The following FGFR2 variants were observed in gnomAD, a reference collection of about 807,000 sequenced individuals.
FGFR2 encodes the protein BEK fibroblast growth factor receptor.
Under a neutral mutation model 95.9 loss-of-function variants are expected in FGFR2, and 19 were observed. The observed-to-expected ratio is 0.20, with a 90% CI of 0.14 to 0.29. The LOEUF is 0.29. Among genes scored for constraint, FGFR2 ranks in the 10% least tolerant of loss-of-function variants. The pLI is 1.00. For synonymous variants in FGFR2, 392 were observed against 393.3 expected (o/e 1.00, Z 0.04); for missense variants, 707 against 1,056.9 (o/e 0.67, Z 4.59).
chr10:121,489,497 A>G (rs535511810), intron 13 of FGFR2, among the ~76,000 whole-genome samples: 1 of 152,272 alleles, frequency 6.6e-6, no homozygotes, highest in African/African-American at 2.4e-5. Context: ...TGTTCCATTA[A>G]GTTTATGTAT....
intron 2 of FGFR2, among the ~76,000 whole-genome samples, chr10:121,570,586 C>A (rs1270678600): frequency 6.6e-6 from 1 of 152,212 alleles, no homozygotes; most frequent in East Asian, 1.9e-4. Flanking sequence ...CTTTCCTGTG[C>A]GAATCCACCA....
intron 17 of FGFR2, among the ~76,000 whole-genome samples, chr10:121,481,425 AC>A (rs1844669612): frequency 6.7e-6 from 1 of 149,742 alleles, no homozygotes; most frequent in Non-Finnish European, 1.5e-5. Context: ...CACACACAAA[AC>A]CCTCTAATTC....
At chr10:121,568,475 A>G (rs1398063001) in intron 2 of FGFR2, among the ~76,000 whole-genome samples, 1 of 152,170 alleles carries the variant, frequency 6.6e-6, no homozygotes, top group Non-Finnish European at 1.5e-5. Context: ...TCACCAGGGC[A>G]GCCGCTGAGC....
At chr10:121,555,043 T>A (rs1006462858) in intron 4 of FGFR2, among the ~76,000 whole-genome samples, 12 of 152,322 alleles carry the variant, frequency 7.9e-5, no homozygotes, top group African/African-American at 2.2e-4. Flanking sequence ...CCATAGTAGA[T>A]GCTTAACAGG....
chr10:121,562,013 G>T (rs1476028078), intron 4 of FGFR2, among the ~76,000 whole-genome samples: 1 of 152,132 alleles, frequency 6.6e-6, no homozygotes, highest in Non-Finnish European at 1.5e-5. Context: ...TATCAGAATG[G>T]CCAAAATCCA....
Position 121,559,111 on chromosome 10 carries a change from GAA to G in FGFR2, c.454+5389_454+5390del, listed in dbSNP as rs904279035. ...TTTTCAATGTCTCAATCCAAAAGGA[GAA>G]AAAAAAAAAAAAAAAAAAAACTCAA... On this transcript the variant is annotated intron_variant, in intron 4 of 17. Transcript: ENST00000358487. 3.2e-3 allele frequency among the ~76,000 whole-genome samples: 174 copies of G among 55,226 alleles called. 1 individual carries two copies. Among genetic ancestry groups the G allele is most frequent in the African/African-American group, 8.8e-3 (153 of 17,470 alleles). The allele number at this position is 55,226 out of a possible 152,430, so 36.2% of individuals were successfully genotyped here.
At chr10:121,555,398 AATC>A (rs58127020) in intron 4 of FGFR2, among the ~76,000 whole-genome samples, 12,095 of 151,986 alleles carry the variant, frequency 0.08, 1,406 homozygotes, top group African/African-American at 0.25. Context: ...TCAATCAATC[AATC>A]AAATGAATCT....
At chr10:121,572,158 GAAA>G (rs71022844) in intron 2 of FGFR2, among the ~76,000 whole-genome samples, 2,446 of 105,846 alleles carry the variant, frequency 0.023, 31 homozygotes, top group South Asian at 0.048. Flanking sequence ...CACAAAAAAT[GAAA>G]AAAAAAAAAA....
intron 6 of FGFR2, chr10:121,538,364 C>T (rs748019023): frequency 1.3e-5 from 10 of 797,088 alleles, no homozygotes; most frequent in African/African-American, 6.7e-5. Context: ...ACACAGATGA[C>T]GCTTGGGAAC....
chr10:121,550,310 C>A (rs754375305), intron 5 of FGFR2, among the ~76,000 whole-genome samples: 7 of 152,304 alleles, frequency 4.6e-5, no homozygotes, highest in Non-Finnish European at 8.8e-5. Flanking sequence ...GGACTAAGAG[C>A]CCCTTGGAGC....
intron 14 of FGFR2, 70 bp downstream of exon 14, chr10:121,487,921 G>T: frequency 1.9e-6 from 3 of 1,599,958 alleles, no homozygotes; most frequent in Non-Finnish European, 1.7e-6. Context: ...CAACATTGAC[G>T]GCCTTTCTTC....
chr10:121,542,048 T>C (rs1323940173), intron 5 of FGFR2, among the ~76,000 whole-genome samples: 1 of 152,196 alleles, frequency 6.6e-6, no homozygotes, highest in African/African-American at 2.4e-5. Context: ...TATGAACTGA[T>C]GGAAAGTTCA....
intron 1 of FGFR2, among the ~76,000 whole-genome samples, chr10:121,594,680 C>T (rs557202592): frequency 1.2e-4 from 18 of 152,326 alleles, no homozygotes; most frequent in African/African-American, 4.1e-4. Context: ...AAAAGGACTT[C>T]GAAGCCTGAA....
chr10:121,523,225 G>A (rs1325720177), intron 6 of FGFR2, among the ~76,000 whole-genome samples: 2 of 152,184 alleles, frequency 1.3e-5, no homozygotes, highest in African/African-American at 2.4e-5. Flanking sequence ...TATTGCCCAT[G>A]TAGGCTGAGC....
rs1331536663 is a variant in FGFR2 at position 121,571,293 on chromosome 10, CCTTTTT to C, written c.110-5595_110-5590del. 1.2e-3 allele frequency among the ~76,000 whole-genome samples: 104 copies of C among 87,140 alleles called. 2 individuals are homozygous for C. Among genetic ancestry groups the C allele is most frequent in the African/African-American group, 4.4e-3 (100 of 22,652 alleles). The allele number at this position is 87,140 out of a possible 152,430, so 57.2% of individuals were successfully genotyped here. ...TACAGGCGTGAGCCACCGTGCCTGG[CCTTTTT>C]TTTTTTTTTTTTTTTTTTTGAGACG... is the stretch of plus-strand genomic sequence containing the variant. On this transcript the variant is annotated intron_variant, in intron 2 of 17. Coordinates refer to ENST00000358487, the MANE Select transcript of FGFR2 (RefSeq NM_000141.5).
chr10:121,560,936 C>T (rs536391204), intron 4 of FGFR2, among the ~76,000 whole-genome samples: 113 of 152,274 alleles, frequency 7.4e-4, no homozygotes, highest in East Asian at 1.4e-3. Flanking sequence ...TCAGGTGATG[C>T]TGATGCTGCT....
chr10:121,550,575 T>G (rs529895658), intron 5 of FGFR2, among the ~76,000 whole-genome samples: 1 of 152,294 alleles, frequency 6.6e-6, no homozygotes, highest in African/African-American at 2.4e-5. Flanking sequence ...GCACTCTCCC[T>G]TAATGCATCA....
chr10:121,502,182 C>T (rs1409725886), intron 10 of FGFR2, among the ~76,000 whole-genome samples: 1 of 152,208 alleles, frequency 6.6e-6, no homozygotes, highest in Non-Finnish European at 1.5e-5. Context: ...CACAACTCCC[C>T]AGTTCAGTTA....
rs551154349 is a variant in FGFR2 at position 121,532,769 on chromosome 10, C to T, written c.748+5823G>A. Among the ~76,000 whole-genome samples, 230 of 152,294 alleles carry T rather than the reference C, an allele frequency of 1.5e-3. 3 individuals carry two copies. The highest frequency in any genetic ancestry group is 2.2e-4 in the Non-Finnish European group (15 of 68,026). On this transcript the variant is annotated intron_variant, in intron 6 of 17. Coordinates refer to ENST00000358487, the MANE Select transcript of FGFR2 (RefSeq NM_000141.5). ...CCCTTCCAGGTGTCAACTCCACATT[C>T]GAGCTTATCAGTCAGTGCTTGGAAT...
Sources: gnomAD v4.1 joint callset for allele counts (sites outside exome capture counted in the v4.1 genomes callset) on GRCh38, gnomAD v4.1.1 for gene constraint, MANE v1.5 for transcripts, NCBI Gene and HGNC (gene_info 2026-07-23, HGNC 2026-07-21) for gene names.